The following CCDC88C variants were observed in gnomAD, a reference collection of about 807,000 sequenced individuals.
CCDC88C encodes the protein coiled-coil and HOOK domain protein 88C.
In CCDC88C, 131 loss-of-function variants were observed where a neutral mutation model predicts 198.8. That is an observed-to-expected ratio of 0.66 (90% CI 0.57 to 0.76). The LOEUF (loss-of-function observed/expected upper bound fraction) is 0.76. Among genes scored for constraint, CCDC88C ranks in the 30% least tolerant of loss-of-function variants. The pLI, the probability that CCDC88C is intolerant of heterozygous loss-of-function variation, is 0.00. For missense variants in CCDC88C, 2,553 were observed against 2,631.6 expected (o/e 0.97, Z 0.65); for synonymous variants, 1,166 against 1,114.7 (o/e 1.05, Z -0.92).
chr14:91,359,517 C>T, intron 4 of CCDC88C, 125 bp downstream of exon 4: 2 of 724,940 alleles, frequency 2.8e-6, no homozygotes, highest in Non-Finnish European at 4.8e-6. Context: ...AAAATCTCAC[C>T]AAAACGATCA....
chr14:91,403,359 T>C lies in CCDC88C; in HGVS notation c.270+5300A>G, dbSNP rs572626206. ...CCACCATCTGAAGTGCTTCCCGCCATACAAAGCCAAAGAAACCTCAGAAAC... is the reference window on the plus strand; with the variant it reads ...CCACCATCTGAAGTGCTTCCCGCCACACAAAGCCAAAGAAACCTCAGAAAC... On this transcript the variant is annotated intron_variant, in intron 3 of 29. Coordinates refer to ENST00000389857, the MANE Select transcript of CCDC88C (RefSeq NM_001080414.4). Among the ~76,000 whole-genome samples, 202 of 152,268 alleles carry C rather than the reference T, an allele frequency of 1.3e-3. 1 individual carries two copies. The highest frequency in any genetic ancestry group is 4.7e-3 in the African/African-American group (196 of 41,554).
chr14:91,396,424 G>A (rs185171403), intron 3 of CCDC88C, among the ~76,000 whole-genome samples: 4 of 152,170 alleles, frequency 2.6e-5, no homozygotes, highest in Admixed American at 2.0e-4. Flanking sequence ...TGGCGTTTAG[G>A]GTATGTCCAT....
At chr14:91,300,099 C>T in intron 20 of CCDC88C, 29 bp from the exon 21 acceptor site, 1 of 1,599,498 alleles carries the variant, frequency 6.3e-7, no homozygotes, top group Non-Finnish European at 8.5e-7. Context: ...TGCCGTGAGT[C>T]TGGCCAGGGC....
At chr14:91,389,964 C>A (rs1196799965) in intron 3 of CCDC88C, among the ~76,000 whole-genome samples, 2 of 151,570 alleles carry the variant, frequency 1.3e-5, no homozygotes, top group African/African-American at 4.9e-5. Context: ...CCCAGCTCCT[C>A]GGGAGGCTGA....
chr14:91,366,462 G>A (rs915505499), intron 3 of CCDC88C, among the ~76,000 whole-genome samples: 4 of 151,974 alleles, frequency 2.6e-5, no homozygotes, highest in Admixed American at 1.3e-4. Context: ...CTCCAGCCTC[G>A]GCAACAGAGC....
chr14:91,334,849 A>G (rs1358742902), intron 10 of CCDC88C, among the ~76,000 whole-genome samples: 1 of 152,122 alleles, frequency 6.6e-6, no homozygotes, highest in Middle Eastern at 3.2e-3. Flanking sequence ...CTCAGATGGT[A>G]CCTGGCTCCC....
rs1890643713 is a variant in CCDC88C at position 91,291,180 on chromosome 14, G to A, written c.4113-96C>T. 2.1e-5 allele frequency: 15 copies of A among 719,236 alleles called. No individual in the cohort carries two copies. In the South Asian group the frequency reaches 2.5e-4, roughly 12 times the overall value. 44.6% of individuals were successfully genotyped at this position (719,236 alleles called of 1,614,324 possible). On this transcript the variant is annotated intron_variant, in intron 23 of 29. Coordinates refer to ENST00000389857, the MANE Select transcript of CCDC88C (RefSeq NM_001080414.4). ...CAGCCTGGAACCTGGTGTACCCGGG[G>A]CTGGTATTTTTCCAGGATTGAGATG...
At chr14:91,387,896 G>A (rs961733739) in intron 3 of CCDC88C, among the ~76,000 whole-genome samples, 7 of 152,302 alleles carry the variant, frequency 4.6e-5, no homozygotes, top group South Asian at 2.1e-4. Context: ...GCTGCACGTC[G>A]GAATCACCTC....
At position 91,272,659 on chromosome 14, in the gene CCDC88C, G is replaced by A. The variant is rs182423495; in HGVS notation, c.6053C>T (p.Pro2018Leu). 2.2e-5 allele frequency: 35 copies of A among 1,611,398 alleles called. No homozygotes were observed. The East Asian group carries it at 4.7e-4, about 22-fold the overall frequency. The part of the protein sequence containing the change: ...SPASPEPGGD[P>L]QTVWYEYGCV ...GCCGTACTCATACCACACGGTCTGC[G>A]GATCCCCGCCGGGCTCCGGGGAGGC... The change falls in exon 30 of 30, where the codon CCG becomes CTG. Residue 2018 changes from proline to leucine, a missense_variant. Physicochemically the swap from Pro to Leu is moderately conservative, Grantham distance 98. Coordinates refer to ENST00000389857, the MANE Select transcript of CCDC88C (RefSeq NM_001080414.4).
At chr14:91,342,512 A>G in intron 5 of CCDC88C, 49 bp from the exon 6 acceptor site, 3 of 1,192,864 alleles carry the variant, frequency 2.5e-6, no homozygotes, top group Non-Finnish European at 3.7e-6. Flanking sequence ...AGTGAGGGTG[A>G]AGCTGAGTCC....
At chr14:91,406,540 CAAG>C (rs1193545389) in intron 3 of CCDC88C, among the ~76,000 whole-genome samples, 1 of 152,252 alleles carries the variant, frequency 6.6e-6, no homozygotes, top group Non-Finnish European at 1.5e-5. Flanking sequence ...TCACCTCCTC[CAAG>C]AAGACTTCCC....
chr14:91,367,609 A>G (rs1894602044), intron 3 of CCDC88C, among the ~76,000 whole-genome samples: 1 of 152,146 alleles, frequency 6.6e-6, no homozygotes, highest in Non-Finnish European at 1.5e-5. Context: ...GGAGGTAGAC[A>G]GTGGCAGCAC....
rs1010020020 is a variant in CCDC88C at position 91,284,925 on chromosome 14, C to A, written c.4442-1408G>T. Among the ~76,000 whole-genome samples, 1 of 152,172 alleles carries A rather than the reference C, an allele frequency of 6.6e-6. No individual in the cohort carries two copies. The highest frequency in any genetic ancestry group is 1.5e-5 in the Non-Finnish European group (1 of 68,038). ...CAGGGATGGCTAGAGACAGGAAATG[C>A]TCCATAGGTAATGGCCTAGCTGGCC... On this transcript the variant is annotated intron_variant, in intron 25 of 29. Coordinates refer to ENST00000389857, the MANE Select transcript of CCDC88C (RefSeq NM_001080414.4). This position sits in a 1 kb window ranked among gnomAD's most constrained non-coding sequence, Gnocchi z 4.1.
At chr14:91,369,717 C>T (rs899625961) in intron 3 of CCDC88C, among the ~76,000 whole-genome samples, 3 of 152,138 alleles carry the variant, frequency 2.0e-5, no homozygotes, top group Admixed American at 6.5e-5. Flanking sequence ...CCTGGCAAAA[C>T]GAGTGGCAAT....
rs960571065 is a variant in CCDC88C at position 91,314,109 on chromosome 14, G to A, written c.1707C>T (p.Ala569=). ...LEQEKDHLNR[A]MWSLRERSQV... ...GCGACCTCTCCCGCAGCGACCACAT[G>A]GCTCGGTTGAGGTGGTCCTTTTCCT... Residue 569 remains alanine (A), a synonymous_variant, in exon 15 of 30, where the codon GCC becomes GCT. Transcript: ENST00000389857. 52 of 1,613,314 alleles carry A rather than the reference G, an allele frequency of 3.2e-5. No homozygotes were observed. Among genetic ancestry groups the A allele is most frequent in the African/African-American group, 1.2e-4 (9 of 74,896 alleles).
In CCDC88C at chr14:91,271,743, C is replaced by T. The variant is rs1319333720; in HGVS notation, c.*882G>A. ...CAGAAATAAATCAACACCCCGAGAC[C>T]GGGGATGTCGGGTGCCGCAGCCAGG... On this transcript the variant is annotated 3_prime_UTR_variant, in exon 30 of 30. Transcript: ENST00000389857. 2 of 152,550 alleles carry T rather than the reference C, an allele frequency of 1.3e-5. No homozygotes were observed. The highest frequency in any genetic ancestry group is 6.5e-5 in the Admixed American group (1 of 15,284). The allele number at this position is 152,550 out of a possible 1,614,324, so 9.4% of individuals were successfully genotyped here. A position where few individuals can be genotyped will look rare whatever the true frequency, so the allele number is the denominator to read the frequency against.
At position 91,416,758 on chromosome 14, in the gene CCDC88C, C is replaced by A; in HGVS notation, c.141G>T (p.Leu47Phe). The change falls in exon 2 of 30, where the codon TTG becomes TTT. Residue 47 changes from leucine to phenylalanine, a missense_variant. Leu to Phe is a conservative substitution (Grantham distance 22). Around this residue, in one of 2 missense-constraint regions of CCDC88C, gnomAD observed 1,260 missense variants for 1,412.0 expected, o/e 0.89. Coordinates refer to ENST00000389857, the MANE Select transcript of CCDC88C (RefSeq NM_001080414.4). ...MYMDLVDGIF[L>F]NQIMLQIDPR... is the part of the protein sequence containing the mutation. ...CTTACATTTGCAGCATAATTTGGTT[C>A]AAAAAGATGCCGTCCACTAAATCCA... The A allele has an allele frequency of 6.2e-7, 1 of 1,612,892 alleles. No individual in the cohort carries two copies. Among genetic ancestry groups the A allele is most frequent in the African/African-American group, 1.3e-5 (1 of 75,002 alleles).
chr14:91,415,545 A>T (rs1285076242), intron 2 of CCDC88C, among the ~76,000 whole-genome samples: 1 of 151,864 alleles, frequency 6.6e-6, no homozygotes, highest in African/African-American at 2.4e-5. Flanking sequence ...ACATGGAGAA[A>T]CCCCATTTCT....
chr14:91,303,603 T>G, intron 20 of CCDC88C, 98 bp downstream of exon 20: 1 of 1,260,306 alleles, frequency 7.9e-7, no homozygotes, highest in Non-Finnish European at 1.1e-6. Context: ...CTCCCCTAGG[T>G]CCCACCCATC....
Sources: allele counts gnomAD v4.1 joint callset (sites outside exome capture counted in the v4.1 genomes callset), GRCh38; gene constraint gnomAD v4.1.1; regional missense constraint gnomAD v4.1.1; non-coding constraint Gnocchi (gnomAD v3.1); transcripts MANE v1.5; gene names NCBI Gene and HGNC (gene_info 2026-07-23, HGNC 2026-07-21).